Variants in PGAP1 observed in about 807,000 individuals in gnomAD.
PGAP1 encodes the protein post-GPI attachment to proteins inositol deacylase 1, also known as GPI inositol-deacylase.
A neutral mutation model predicts 127.0 loss-of-function variants in PGAP1; 76 were observed. The observed-to-expected ratio is 0.60, with a 90% CI of 0.50 to 0.72. The LOEUF (loss-of-function observed/expected upper bound fraction) is 0.72, where lower values mean the gene tolerates loss of function less well. PGAP1 is among the 30% of genes least tolerant of loss of function. PGAP1 has a pLI of 0.00. For missense variants in PGAP1, 982 were observed against 1,071.3 expected (o/e 0.92, Z 1.16); for synonymous variants, 362 against 366.5 (o/e 0.99, Z 0.14).
chr2:196,911,158 T>C (rs1702794617), intron 4 of PGAP1, among the ~76,000 whole-genome samples: 1 of 4,118 alleles, frequency 2.4e-4, no homozygotes, highest in African/African-American at 1.5e-3. Flanking sequence ...CATGCACACG[T>C]ATGTTTATTG....
intron 22 of PGAP1, among the ~76,000 whole-genome samples, chr2:196,846,738 C>G (rs1376012448): frequency 6.6e-6 from 1 of 152,148 alleles, no homozygotes; most frequent in Admixed American, 6.5e-5. Context: ...AGATTCACAA[C>G]CACGAAATGT....
In PGAP1 at chr2:196,840,397, T is replaced by C. The variant is rs1700373061; in HGVS notation, c.*837A>G. On this transcript the variant is annotated 3_prime_UTR_variant, in exon 27 of 27. Transcript: ENST00000354764. ...CAATCCATTATGACCTCAGGCACTTTTGGCAACCATGGTGCAATGAATTGA... is the reference window on the plus strand; with the variant it reads ...CAATCCATTATGACCTCAGGCACTTCTGGCAACCATGGTGCAATGAATTGA... The C allele has an allele frequency of 6.6e-6, 1 of 152,124 alleles. No homozygotes were observed. The highest frequency in any genetic ancestry group is 2.4e-5 in the African/African-American group (1 of 41,430). The allele number at this position is 152,124 out of a possible 1,614,324, so 9.4% of individuals were successfully genotyped here.
rs1701549697 is a variant in PGAP1 at position 196,875,794 on chromosome 2, T to C, written c.1378A>G (p.Lys460Glu). The part of the protein sequence containing the change: ...KFVVDCEFFK[K>E]EKRYIQLPVT... ...GGAAGCTGTATGTATCTTTTCTCTT[T>C]TTTAAAGAATTCACAATCTACAACA... The change falls in exon 14 of 27, where the codon AAA (lysine) becomes GAA (glutamate). Residue 460 changes from lysine to glutamate, a missense_variant. Coordinates refer to ENST00000354764, the MANE Select transcript of PGAP1 (RefSeq NM_024989.4). 1 of 1,524,274 alleles carries C rather than the reference T, an allele frequency of 6.6e-7. No individual in the cohort carries two copies. The highest frequency in any genetic ancestry group is 1.7e-5 in the Admixed American group (1 of 58,132). The allele number at this position is 1,524,274 out of a possible 1,614,324, so 94.4% of individuals were successfully genotyped here.
chr2:196,843,526 T>C lies in PGAP1; in HGVS notation c.2525+362A>G, dbSNP rs77130977. 2.1e-3 allele frequency among the ~76,000 whole-genome samples: 318 copies of C among 152,256 alleles called. 2 individuals are homozygous for C. Among genetic ancestry groups the C allele is most frequent in the African/African-American group, 7.2e-3 (298 of 41,526 alleles). On this transcript the variant is annotated intron_variant, in intron 25 of 26. Transcript: ENST00000354764. ...GATGAAGTGGCCTTTTATTTAGCAA[T>C]TGACCAATTAATAAAAATACAGTTC...
chr2:196,867,011 A>T (rs959549746), intron 19 of PGAP1, among the ~76,000 whole-genome samples: 19 of 152,346 alleles, frequency 1.2e-4, no homozygotes, highest in African/African-American at 4.6e-4. Flanking sequence ...GTGGAGAAAC[A>T]GGAATTCTTT....
In PGAP1 at chr2:196,847,142, T is replaced by C; in HGVS notation, c.2011A>G (p.Ile671Val). The change falls in exon 22 of 27, where the codon ATT becomes GTT. Residue 671 changes from isoleucine (I) to valine (V), a missense_variant. Physicochemically the swap from Ile to Val is conservative, Grantham distance 29. Coordinates refer to ENST00000354764, the MANE Select transcript of PGAP1 (RefSeq NM_024989.4). ...AAACACATACTCTGACAAGTTAAAA[T>C]GACGGCATCTAATTCTGGTAACAAT... ...VLLLPELDAV[I>V]LTCQSMCFPL... 1 of 1,613,324 alleles carries C rather than the reference T, an allele frequency of 6.2e-7. No homozygotes were observed. Among genetic ancestry groups the C allele is most frequent in the South Asian group, 1.1e-5 (1 of 91,066 alleles).
chr2:196,870,827 G>A (rs1701387703), intron 19 of PGAP1, 114 bp downstream of exon 19: 2 of 790,370 alleles, frequency 2.5e-6, no homozygotes, highest in Non-Finnish European at 4.1e-6. Context: ...ACTGTATGTG[G>A]TCTGCAAAAA....
chr2:196,848,874 A>G (rs530705334), intron 20 of PGAP1, among the ~76,000 whole-genome samples: 25 of 152,306 alleles, frequency 1.6e-4, no homozygotes, highest in Non-Finnish European at 3.1e-4. Flanking sequence ...CATTTGAGGA[A>G]TTGTCAGACT....
intron 22 of PGAP1, 53 bp downstream of exon 22, chr2:196,846,950 A>G (rs372691716): frequency 2.1e-6 from 3 of 1,403,062 alleles, no homozygotes; most frequent in East Asian, 2.4e-5. Flanking sequence ...CCTTATCAGA[A>G]TATATATTTC....
intron 12 of PGAP1, among the ~76,000 whole-genome samples, chr2:196,882,763 G>A (rs533746070): frequency 2.6e-4 from 39 of 152,280 alleles, no homozygotes; most frequent in African/African-American, 9.4e-4. Flanking sequence ...CTGAGACGAT[G>A]GAGTGTTCTA....
At chr2:196,905,081 G>C (rs1303331827) in intron 4 of PGAP1, among the ~76,000 whole-genome samples, 2 of 152,142 alleles carry the variant, frequency 1.3e-5, no homozygotes, top group Non-Finnish European at 2.9e-5. Flanking sequence ...CAGGATTCTT[G>C]ACCCTAAGAA....
chr2:196,861,624 T>C (rs1353331983), intron 20 of PGAP1, among the ~76,000 whole-genome samples: 1 of 152,046 alleles, frequency 6.6e-6, no homozygotes. Context: ...TCGCCTGAGG[T>C]CAGGAGTTTG....
chr2:196,870,867 A>C, intron 19 of PGAP1, 74 bp downstream of exon 19: 1 of 1,311,624 alleles, frequency 7.6e-7, no homozygotes, highest in Non-Finnish European at 1.1e-6. Context: ...CTTATGGAAA[A>C]AGTCTACAAC....
At position 196,890,822 on chromosome 2, in the gene PGAP1, T is replaced by A; in HGVS notation, c.1173+6A>T. The stretch of plus-strand genomic sequence containing the variant: ...AAATTTACATAAAATGTACCAATTA[T>A]CTTACCAGCATAGTGCTCTGACAAT... On this transcript the variant is annotated splice_donor_region_variant and intron_variant, in intron 10 of 26. Coordinates refer to ENST00000354764, the MANE Select transcript of PGAP1 (RefSeq NM_024989.4). 6.7e-7 allele frequency: 1 copy of A among 1,499,028 alleles called. No individual in the cohort carries two copies. Among genetic ancestry groups the A allele is most frequent in the Non-Finnish European group, 9.3e-7 (1 of 1,080,996 alleles). The allele number at this position is 1,499,028 out of a possible 1,614,324, so 92.9% of individuals were successfully genotyped here. A position where few individuals can be genotyped will look rare whatever the true frequency, so the allele number is the denominator to read the frequency against.
chr2:196,880,414 T>C (rs1701695373), intron 12 of PGAP1, among the ~76,000 whole-genome samples: 1 of 152,012 alleles, frequency 6.6e-6, no homozygotes, highest in African/African-American at 2.4e-5. Flanking sequence ...CAAATGACAT[T>C]TAACATTAAA....
intron 23 of PGAP1, 86 bp from the exon 24 acceptor site, chr2:196,844,660 G>T: frequency 1.1e-6 from 1 of 888,368 alleles, no homozygotes; most frequent in Non-Finnish European, 1.7e-6. Flanking sequence ...GAGAAGCACT[G>T]TAATCTGAAA....
Position 196,892,409 on chromosome 2 carries a change from T to A in PGAP1, c.1034-8A>T. 1 of 1,314,584 alleles carries A rather than the reference T, an allele frequency of 7.6e-7. No individual in the cohort carries two copies. The highest frequency in any genetic ancestry group is 2.4e-5 in the East Asian group (1 of 41,186). 81.4% of individuals were successfully genotyped at this position (1,314,584 alleles called of 1,614,324 possible). On this transcript the variant is annotated splice_polypyrimidine_tract_variant and splice_region_variant and intron_variant, in intron 8 of 26. Transcript: ENST00000354764. ...GAACCCACATAGATGTCCCTGAAGG[T>A]AAAGGAAATTAATTTATTTGCCTTG...
chr2:196,880,768 C>T (rs1282528233), intron 12 of PGAP1, among the ~76,000 whole-genome samples: 1 of 152,118 alleles, frequency 6.6e-6, no homozygotes, highest in Non-Finnish European at 1.5e-5. Flanking sequence ...AAGACCAGTC[C>T]TATAGTCCAT....
chr2:196,879,182 T>A (rs116383824), intron 13 of PGAP1, among the ~76,000 whole-genome samples: 3,006 of 152,276 alleles, frequency 0.02, 102 homozygotes, highest in African/African-American at 0.068. Flanking sequence ...CAAATGATTC[T>A]CCTGCTTCAA....
Sources: allele counts gnomAD v4.1 joint callset (sites outside exome capture counted in the v4.1 genomes callset), GRCh38; gene constraint gnomAD v4.1.1; transcripts MANE v1.5; gene names NCBI Gene and HGNC (gene_info 2026-07-23, HGNC 2026-07-21).